Variants in MACROH2A2 observed in about 807,000 individuals in gnomAD.
The protein encoded by MACROH2A2 is core histone macro-H2A.2.
MACROH2A2 carries 6 observed loss-of-function variants against 37.6 expected under a neutral mutation model. That is an observed-to-expected ratio of 0.16 (90% CI 0.09 to 0.32). The LOEUF (loss-of-function observed/expected upper bound fraction) is 0.32. MACROH2A2 is among the 10% of genes least tolerant of loss of function. The probability of loss-of-function intolerance (pLI) is 1.00; values close to 1 mark genes in which losing one functional copy is unlikely to be tolerated. For synonymous variants in MACROH2A2, 192 were observed against 202.7 expected, an observed-to-expected ratio of 0.95 and a Z score of 0.45; for missense variants, 290 against 485.9, an observed-to-expected ratio of 0.60 and a Z score of 3.79.
intron 7 of MACROH2A2, among the ~76,000 whole-genome samples, chr10:70,102,435 G>A (rs2072312033): frequency 6.6e-6 from 1 of 152,160 alleles, no homozygotes; most frequent in African/African-American, 2.4e-5. Context: ...TATAAAAGTA[G>A]GGCCCAGGTA....
intron 7 of MACROH2A2, among the ~76,000 whole-genome samples, chr10:70,103,240 C>A (rs953282237): frequency 6.6e-6 from 1 of 152,202 alleles, no homozygotes; most frequent in Admixed American, 6.5e-5. Flanking sequence ...AGCCCCAACT[C>A]AGTCATCTAA....
rs537793920 is a variant in MACROH2A2, at chr10:70,107,477, G to A, written c.779-1556G>A. Among the ~76,000 whole-genome samples the A allele has an allele frequency of 6.6e-5, 10 of 152,306 alleles. No individual in the cohort carries two copies. Among genetic ancestry groups the A allele is most frequent in the African/African-American group, 2.4e-4 (10 of 41,562 alleles). ...TCCTGGGTTCCTGGAGGGGCACAGG[G>A]CGCAGACGGGCAGCGTGGGGGCAAG... is the stretch of plus-strand genomic sequence containing the variant. On this transcript the variant is annotated intron_variant, in intron 7 of 8. Coordinates refer to ENST00000373255, the MANE Select transcript of MACROH2A2 (RefSeq NM_018649.3). The surrounding 1 kb of genome is among the most constrained non-coding windows in gnomAD (Gnocchi z 4.4).
intron 2 of MACROH2A2, among the ~76,000 whole-genome samples, chr10:70,077,679 A>G (rs2072147855): frequency 6.6e-6 from 1 of 152,216 alleles, no homozygotes; most frequent in African/African-American, 2.4e-5. Context: ...AGACCATCCT[A>G]GCTAACACGG....
At chr10:70,095,448 C>G (rs1321761235) in intron 5 of MACROH2A2, among the ~76,000 whole-genome samples, 1 of 152,060 alleles carries the variant, frequency 6.6e-6, no homozygotes, top group African/African-American at 2.4e-5. Flanking sequence ...GCTGCCAGCC[C>G]CAGAGTGGAA....
chr10:70,105,777 G>C (rs1424928922), intron 7 of MACROH2A2, among the ~76,000 whole-genome samples: 1 of 152,170 alleles, frequency 6.6e-6, no homozygotes, highest in Non-Finnish European at 1.5e-5. Flanking sequence ...ACATGGGCCT[G>C]AAATGAGACA....
At chr10:70,058,780 A>G (rs2072032392) in intron 1 of MACROH2A2, among the ~76,000 whole-genome samples, 1 of 152,206 alleles carries the variant, frequency 6.6e-6, no homozygotes, top group African/African-American at 2.4e-5. Flanking sequence ...ACAATATGCA[A>G]CATAAACTTT....
chr10:70,061,532 A>G (rs1447264430), intron 1 of MACROH2A2, among the ~76,000 whole-genome samples: 1 of 152,184 alleles, frequency 6.6e-6, no homozygotes, highest in Non-Finnish European at 1.5e-5. Context: ...CAGAGACAAC[A>G]AAACATGTTA....
chr10:70,089,384 ACTT>A (rs1410366680), intron 2 of MACROH2A2, among the ~76,000 whole-genome samples: 7 of 152,188 alleles, frequency 4.6e-5, no homozygotes, highest in Non-Finnish European at 8.8e-5. Flanking sequence ...AGCATGCACA[ACTT>A]CTTCTTCTTG....
chr10:70,065,764 G>T (rs1298645865), intron 1 of MACROH2A2, among the ~76,000 whole-genome samples: 1 of 152,050 alleles, frequency 6.6e-6, no homozygotes, highest in Non-Finnish European at 1.5e-5. Context: ...AAAGAAAGGG[G>T]GTATTGGGAG....
intron 2 of MACROH2A2, among the ~76,000 whole-genome samples, chr10:70,089,793 C>T (rs528883629): frequency 1.3e-5 from 2 of 151,806 alleles, no homozygotes; most frequent in South Asian, 2.1e-4. Flanking sequence ...GGGTCTCACT[C>T]TGTTGCCCAG....
intron 1 of MACROH2A2, among the ~76,000 whole-genome samples, chr10:70,065,978 A>T (rs926638610): frequency 6.6e-6 from 1 of 152,222 alleles, no homozygotes; most frequent in African/African-American, 2.4e-5. Context: ...TAACCTAAAG[A>T]TCGTTCAAGT....
chr10:70,091,673 CAAAAAAAAAA>C (rs571416539), intron 3 of MACROH2A2, 74 bp from the exon 4 acceptor site: 19 of 695,312 alleles, frequency 2.7e-5, no homozygotes, highest in Middle Eastern at 3.4e-4. Flanking sequence ...GATTCTGTAT[CAAAAAAAAAA>C]AAAAAAAAGA....
intron 8 of MACROH2A2, among the ~76,000 whole-genome samples, chr10:70,109,576 T>C (rs1263194434): frequency 1.3e-5 from 2 of 152,128 alleles, no homozygotes; most frequent in Non-Finnish European, 2.9e-5. Flanking sequence ...GGACACATGA[T>C]CAGAAAACGC....
Position 70,075,916 on chromosome 10 carries a change from CA to C in MACROH2A2, c.172+89del. The C allele has an allele frequency of 8.5e-7, 1 of 1,178,732 alleles. No individual in the cohort carries two copies. Among genetic ancestry groups the C allele is most frequent in the South Asian group, 1.4e-5 (1 of 70,822 alleles). 73.0% of individuals were successfully genotyped at this position (1,178,732 alleles called of 1,614,324 possible). A position where few individuals can be genotyped will look rare whatever the true frequency, so the allele number is the denominator to read the frequency against. On this transcript the variant is annotated intron_variant, in intron 2 of 8. Coordinates refer to ENST00000373255, the MANE Select transcript of MACROH2A2 (RefSeq NM_018649.3). The surrounding 1 kb of genome is among the most constrained non-coding windows in gnomAD (Gnocchi z 5.0). ...CCTCGCAGGCTGGGGAGGGATGCTC[CA>C]AATTGCCTTTTGGCTGGCTCAAGGC...
At chr10:70,089,135 G>A (rs1283424808) in intron 2 of MACROH2A2, among the ~76,000 whole-genome samples, 1 of 152,128 alleles carries the variant, frequency 6.6e-6, no homozygotes, top group Non-Finnish European at 1.5e-5. Flanking sequence ...CAGTCTAAGA[G>A]AAGTCCAAGT....
At chr10:70,106,821 A>G (rs1198102347) in intron 7 of MACROH2A2, among the ~76,000 whole-genome samples, 2 of 151,194 alleles carry the variant, frequency 1.3e-5, no homozygotes, top group Non-Finnish European at 2.9e-5. Context: ...AAAAAAAAAA[A>G]AGACTTTACA....
chr10:70,075,556 T>A lies in MACROH2A2; in HGVS notation c.-59-44T>A. On this transcript the variant is annotated intron_variant, in intron 1 of 8. Coordinates refer to ENST00000373255, the MANE Select transcript of MACROH2A2 (RefSeq NM_018649.3). This position sits in a 1 kb window ranked among gnomAD's most constrained non-coding sequence, Gnocchi z 5.0. Reference sequence around the variant, plus strand: ...GGGCCATGCCACTGTGCCCAAGATGTTTGCCAACTACCCTTCCTCAACTCT... The same window carrying A: ...GGGCCATGCCACTGTGCCCAAGATGATTGCCAACTACCCTTCCTCAACTCT... 8.6e-7 allele frequency: 1 copy of A among 1,165,000 alleles called. No homozygotes were observed. The highest frequency in any genetic ancestry group is 1.3e-6 in the Non-Finnish European group (1 of 794,482). 72.2% of individuals were successfully genotyped at this position (1,165,000 alleles called of 1,614,324 possible).
rs553733758 is a variant in MACROH2A2 at position 70,109,502 on chromosome 10, G to A, written c.953+295G>A. The stretch of plus-strand genomic sequence containing the variant: ...AGGAGCGGGAGGCAGAGGCCAGCTG[G>A]TGTGTTATTTTTTGAGAGCCTTCCA... On this transcript the variant is annotated intron_variant, in intron 8 of 8. Coordinates refer to ENST00000373255, the MANE Select transcript of MACROH2A2 (RefSeq NM_018649.3). Among the ~76,000 whole-genome samples the A allele has an allele frequency of 2.0e-5, 3 of 152,328 alleles. No homozygotes were observed. In the East Asian group the frequency reaches 5.8e-4, roughly 29 times the overall value.
intron 7 of MACROH2A2, among the ~76,000 whole-genome samples, chr10:70,104,464 G>A (rs1156267640): frequency 6.6e-6 from 1 of 152,048 alleles, no homozygotes; most frequent in Non-Finnish European, 1.5e-5. Context: ...CTCACCTGAG[G>A]TCGGGAGTTT....
Sources: allele counts gnomAD v4.1 joint callset (sites outside exome capture counted in the v4.1 genomes callset), GRCh38; gene constraint gnomAD v4.1.1; non-coding constraint Gnocchi (gnomAD v3.1); transcripts MANE v1.5; gene names NCBI Gene and HGNC (gene_info 2026-07-23, HGNC 2026-07-21).